Variants in SCN8A observed in about 807,000 individuals in gnomAD.
The protein encoded by SCN8A is sodium channel protein type 8 subunit alpha.
Under a neutral mutation model 184.1 loss-of-function variants are expected in SCN8A, and 30 were observed. The observed-to-expected ratio is 0.16, with a 90% CI of 0.12 to 0.22. SCN8A has a LOEUF of 0.22. Ranked by LOEUF, SCN8A falls within the 10% of genes least tolerant of loss-of-function variation. The pLI is 1.00. For synonymous variants in SCN8A, 852 were observed against 907.0 expected (o/e 0.94, Z 1.09); for missense variants, 1,057 against 2,498.9 (o/e 0.42, Z 12.30).
chr12:51,620,839 A>C (rs1381808027), intron 1 of SCN8A, among the ~76,000 whole-genome samples: 2 of 151,778 alleles, frequency 1.3e-5, no homozygotes, highest in African/African-American at 4.8e-5. Flanking sequence ...AAAAAAAAAA[A>C]AATTAGGTGT....
intron 13 of SCN8A, among the ~76,000 whole-genome samples, chr12:51,748,331 G>A (rs1942545502): frequency 6.6e-6 from 1 of 152,156 alleles, no homozygotes; most frequent in African/African-American, 2.4e-5. Context: ...AGAAACCACA[G>A]TGGAGAATTC....
intron 3 of SCN8A, among the ~76,000 whole-genome samples, chr12:51,684,932 T>A (rs1334487715): frequency 6.6e-6 from 1 of 152,206 alleles, no homozygotes; most frequent in Non-Finnish European, 1.5e-5. Context: ...AATTATTTGA[T>A]GGATTTAGTG....
In SCN8A at chr12:51,716,427, GTTA is replaced by G. The variant is rs538551832; in HGVS notation, c.1636-5118_1636-5116del. On this transcript the variant is annotated intron_variant, in intron 11 of 26. Coordinates refer to ENST00000627620, the MANE Select transcript of SCN8A (RefSeq NM_001330260.2). The stretch of plus-strand genomic sequence containing the variant: ...TTGGTGCTATGGAAAGATTAAGGAA[GTTA>G]GTAGAGGAAGAAGCAGAAGGGCTGG... 1.2e-3 allele frequency among the ~76,000 whole-genome samples: 183 copies of G among 152,294 alleles called. 1 individual carries two copies. Among genetic ancestry groups the G allele is most frequent in the Non-Finnish European group, 2.1e-3 (145 of 68,018 alleles).
chr12:51,721,655 A>C lies in SCN8A; in HGVS notation c.1745A>C (p.Glu582Ala). The C allele has an allele frequency of 1.2e-6, 2 of 1,608,730 alleles. No homozygotes were observed. Among genetic ancestry groups the C allele is most frequent in the Non-Finnish European group, 1.7e-6 (2 of 1,177,606 alleles). Reference sequence around the variant, plus strand: ...TTCCGAGACCCGGGCTCCGAGAATGAGTTCGCGGATGACGAGCACAGCACG... The same window carrying C: ...TTCCGAGACCCGGGCTCCGAGAATGCGTTCGCGGATGACGAGCACAGCACG... ...GRFRDPGSEN[E>A]FADDEHSTVE... The change falls in exon 12 of 27, where the codon GAG (glutamate) becomes GCG (alanine). Residue 582 changes from glutamate (E) to alanine (A), a missense_variant. Glu to Ala is a moderately radical substitution (Grantham distance 107, BLOSUM62 -1). Transcript: ENST00000627620.
At chr12:51,720,041 A>C (rs1331776713) in intron 11 of SCN8A, among the ~76,000 whole-genome samples, 1 of 136,316 alleles carries the variant, frequency 7.3e-6, no homozygotes, top group African/African-American at 2.8e-5. Flanking sequence ...GCGCCACTGC[A>C]CTCCAGCCTG....
At chr12:51,644,320 G>T (rs529695502) in intron 1 of SCN8A, among the ~76,000 whole-genome samples, 3 of 152,154 alleles carry the variant, frequency 2.0e-5, no homozygotes, top group African/African-American at 7.2e-5. Flanking sequence ...ACTGTGGGAC[G>T]TAGAGCAAAG....
rs751719396 is a variant in SCN8A, at chr12:51,789,241, T to C, written c.4282-40T>C. ...GGCCTTGGCGTGTCAAACTCCAAAC[T>C]AGGAGCTGATTCTCTTCCTTTTATC... is the stretch of plus-strand genomic sequence containing the variant. On this transcript the variant is annotated intron_variant, in intron 23 of 26. Transcript: ENST00000627620. 3 of 1,611,012 alleles carry C rather than the reference T, an allele frequency of 1.9e-6. No individual in the cohort carries two copies. The African/African-American group carries it at 4.0e-5, about 22-fold the overall frequency.
chr12:51,775,200 C>T (rs952419529), intron 20 of SCN8A, among the ~76,000 whole-genome samples: 21 of 152,214 alleles, frequency 1.4e-4, no homozygotes, highest in African/African-American at 4.8e-4. Context: ...AAATTTACTT[C>T]CTTCTGAGGG....
intron 12 of SCN8A, among the ~76,000 whole-genome samples, chr12:51,743,340 G>A (rs1284571444): frequency 6.6e-6 from 1 of 152,078 alleles, no homozygotes; most frequent in Non-Finnish European, 1.5e-5. Context: ...GGGCTTGTTT[G>A]TGCCTGTCCT....
intron 1 of SCN8A, among the ~76,000 whole-genome samples, chr12:51,645,963 A>AAAAT (rs1555212657): frequency 1.3e-4 from 18 of 134,088 alleles, no homozygotes; most frequent in African/African-American, 5.2e-4. Context: ...AAAAAAAAAA[A>AAAAT]AATAATAATA....
At chr12:51,676,701 C>A (rs778167067) in intron 2 of SCN8A, among the ~76,000 whole-genome samples, 1 of 152,162 alleles carries the variant, frequency 6.6e-6, no homozygotes, top group Admixed American at 6.5e-5. Flanking sequence ...CAGTTAAGAT[C>A]TAGGGACAGT....
At chr12:51,739,907 G>A (rs921968397) in intron 12 of SCN8A, among the ~76,000 whole-genome samples, 11 of 152,238 alleles carry the variant, frequency 7.2e-5, no homozygotes, top group African/African-American at 1.4e-4. Context: ...ATTTACCCGC[G>A]TATTTATTAA....
intron 2 of SCN8A, among the ~76,000 whole-genome samples, chr12:51,664,677 A>G (rs1421005323): frequency 2.0e-5 from 3 of 152,026 alleles, no homozygotes; most frequent in East Asian, 1.9e-4. Flanking sequence ...ATGCAAATTA[A>G]TTTCTCATTT....
chr12:51,647,636 T>G (rs1001628531), intron 1 of SCN8A, among the ~76,000 whole-genome samples: 4 of 152,232 alleles, frequency 2.6e-5, no homozygotes, highest in Non-Finnish European at 2.9e-5. Flanking sequence ...TTTTTAATGT[T>G]TAAAATGATT....
In SCN8A at chr12:51,807,153, A is replaced by T. The variant is rs1428074455; in HGVS notation, c.5667A>T (p.Thr1889=). ...SKVSYEPITT[T]LRRKQEEVSA... ...TGTCTTACGAGCCAATCACAACCAC[A>T]CTGCGTCGCAAGCAGGAGGAGGTAT... Residue 1889 remains threonine, a synonymous_variant, in exon 27 of 27, where the codon ACA becomes ACT. Coordinates refer to ENST00000627620, the MANE Select transcript of SCN8A (RefSeq NM_001330260.2). This position sits in a 1 kb window ranked among gnomAD's most constrained non-coding sequence, Gnocchi z 4.5. The T allele has an allele frequency of 2.5e-6, 4 of 1,613,760 alleles. No individual in the cohort carries two copies. The African/African-American group carries it at 5.3e-5, about 22-fold the overall frequency.
Position 51,629,714 on chromosome 12 carries a change from T to C in SCN8A, c.-54-33050T>C, listed in dbSNP as rs557564209. On this transcript the variant is annotated intron_variant, in intron 1 of 26. Transcript: ENST00000627620. ...AGTTTTTCAGAATCTTTGAGTGATA[T>C]TGTGATAAGCTTGGAATTAGCAGGA... Among the ~76,000 whole-genome samples, 24 of 152,130 alleles carry C rather than the reference T, an allele frequency of 1.6e-4. No individual in the cohort carries two copies. The South Asian group carries it at 4.8e-3, about 30-fold the overall frequency.
Position 51,721,857 on chromosome 12 carries a change from G to GTCCCTCATCGGCGGCCCCGGC in SCN8A, c.1952_1972dup (p.Leu651_Ser657dup), listed in dbSNP as rs1942071890. 6.2e-7 allele frequency: 1 copy of GTCCCTCATCGGCGGCCCCGGC among 1,603,206 alleles called. No homozygotes were observed. Among genetic ancestry groups the GTCCCTCATCGGCGGCCCCGGC allele is most frequent in the Non-Finnish European group, 8.5e-7 (1 of 1,179,818 alleles). On this transcript the variant is annotated inframe_insertion, in exon 12 of 27. Coordinates refer to ENST00000627620, the MANE Select transcript of SCN8A (RefSeq NM_001330260.2). ...GCACGGTGGACTGCAACGGCGTGGT[G>GTCCCTCATCGGCGGCCCCGGC]TCCCTCATCGGCGGCCCCGGCTCCC...
At chr12:51,644,197 A>T (rs1940513338) in intron 1 of SCN8A, among the ~76,000 whole-genome samples, 1 of 152,168 alleles carries the variant, frequency 6.6e-6, no homozygotes, top group Non-Finnish European at 1.5e-5. Flanking sequence ...ATAGGGCTGG[A>T]AGGGATCTTA....
intron 3 of SCN8A, among the ~76,000 whole-genome samples, chr12:51,685,845 T>C (rs996083397): frequency 2.6e-5 from 4 of 152,152 alleles, no homozygotes; most frequent in African/African-American, 9.7e-5. Flanking sequence ...AAGACCAGCC[T>C]GGATGACATA....
Sources: allele counts gnomAD v4.1 joint callset (sites outside exome capture counted in the v4.1 genomes callset), GRCh38; gene constraint gnomAD v4.1.1; non-coding constraint Gnocchi (gnomAD v3.1); transcripts MANE v1.5; gene names NCBI Gene and HGNC (gene_info 2026-07-23, HGNC 2026-07-21).